Variants in ST7L observed in about 807,000 individuals in gnomAD.
ST7L encodes suppression of tumorigenicity 7 like, also known as suppressor of tumorigenicity 7 protein-like.
In ST7L, 57 loss-of-function variants were observed where a neutral mutation model predicts 72.5. The ratio of observed to expected loss-of-function variants is 0.79; its 90% CI spans 0.64 to 0.98. The LOEUF (loss-of-function observed/expected upper bound fraction) is 0.98, where lower values mean the gene tolerates loss of function less well. ST7L is among the 50% of genes least tolerant of loss of function. The pLI is 0.00. For missense variants in ST7L, 576 were observed against 672.2 expected, an observed-to-expected ratio of 0.86 and a Z score of 1.58; for synonymous variants, 221 against 240.9, an observed-to-expected ratio of 0.92 and a Z score of 0.77.
intron 11 of ST7L, among the ~76,000 whole-genome samples, chr1:112,562,862 A>G (rs1660403402): frequency 6.6e-6 from 1 of 152,178 alleles, no homozygotes; most frequent in African/African-American, 2.4e-5. Flanking sequence ...TGGCAGAAAG[A>G]TGAGTGAGGA....
chr1:112,579,914 TC>T (rs563265362), intron 9 of ST7L, among the ~76,000 whole-genome samples: 147 of 152,336 alleles, frequency 9.6e-4, no homozygotes, highest in African/African-American at 3.2e-3. Flanking sequence ...CTAAGCTTGC[TC>T]ATCATAAGTA....
intron 14 of ST7L, chr1:112,540,011 T>C: frequency 2.0e-6 from 2 of 985,424 alleles, no homozygotes; most frequent in Non-Finnish European, 2.4e-6. Flanking sequence ...TATGTAATTA[T>C]TCATTCTCAG....
intron 2 of ST7L, among the ~76,000 whole-genome samples, chr1:112,611,931 C>T (rs533201944): frequency 6.9e-6 from 1 of 144,030 alleles, no homozygotes; most frequent in South Asian, 2.2e-4. Flanking sequence ...GATTGCACCA[C>T]TGCCCTCCAG....
chr1:112,518,630 A>G (rs1652694964), downstream of ST7L, among the ~76,000 whole-genome samples: 1 of 152,164 alleles, frequency 6.6e-6, no homozygotes, highest in Non-Finnish European at 1.5e-5. Context: ...CCTAGAAATA[A>G]TTCCATAACA....
chr1:112,617,167 A>C (rs1349852424), intron 1 of ST7L: 1 of 213,980 alleles, frequency 4.7e-6, no homozygotes, highest in African/African-American at 2.3e-5. Flanking sequence ...GCAAGTCTGT[A>C]AGAATAAAAA....
intron 11 of ST7L, chr1:112,571,219 ACTC>A (rs1372560262): frequency 7.1e-6 from 3 of 421,570 alleles, no homozygotes; most frequent in Non-Finnish European, 1.4e-5. Flanking sequence ...GTTTCATAAC[ACTC>A]GGCTTAAAGG....
intron 12 of ST7L, 85 bp from the exon 13 acceptor site, chr1:112,550,778 A>T: frequency 9.0e-7 from 1 of 1,108,730 alleles, no homozygotes; most frequent in Non-Finnish European, 1.3e-6. Context: ...TAGAAATTTC[A>T]CATACTATTT....
At chr1:112,520,638 T>A, downstream of ST7L, 2 of 960,146 alleles carry the variant, frequency 2.1e-6, no homozygotes, top group African/African-American at 1.6e-5. Context: ...ATGTAGAGAG[T>A]AATCCATAGG....
At chr1:112,552,646 C>T (rs373134144) in intron 12 of ST7L, among the ~76,000 whole-genome samples, 10 of 152,124 alleles carry the variant, frequency 6.6e-5, no homozygotes, top group African/African-American at 1.7e-4. Context: ...TCAGGTGATC[C>T]GCCCACCTCA....
In ST7L at chr1:112,606,818, CAG is replaced by C. The variant is rs774401932; in HGVS notation, c.451+4021_451+4022del. Among the ~76,000 whole-genome samples the C allele has an allele frequency of 1.1e-4, 17 of 152,280 alleles. No homozygotes were observed. The South Asian group carries it at 3.1e-3, about 28-fold the overall frequency. ...GTCTTCTCACTGTGTCTTTGCATGG[CAG>C]AGAGACAGCAATCCCTCTCTTCTTC... is the stretch of plus-strand genomic sequence containing the variant. On this transcript the variant is annotated intron_variant, in intron 3 of 14. Coordinates refer to ENST00000358039, the MANE Select transcript of ST7L (RefSeq NM_017744.5).
downstream of ST7L, chr1:112,523,065 CCT>C (rs922375965): frequency 5.3e-5 from 8 of 152,196 alleles, no homozygotes; most frequent in South Asian, 4.1e-4. Flanking sequence ...CTGGCCAGCC[CCT>C]GTTCTCACAA....
At chr1:112,574,437 A>G (rs1332342996) in intron 11 of ST7L, among the ~76,000 whole-genome samples, 3 of 151,858 alleles carry the variant, frequency 2.0e-5, no homozygotes, top group African/African-American at 7.3e-5. Flanking sequence ...AGGCGGGCGG[A>G]TCACAAGGTC....
In ST7L at chr1:112,525,842, G is replaced by T; in HGVS notation, c.*171C>A. On this transcript the variant is annotated 3_prime_UTR_variant, in exon 15 of 15. Transcript: ENST00000358039. The stretch of plus-strand genomic sequence containing the variant: ...TTGTCCTTTTTGACAGCTTCCAAGG[G>T]GGGTTTGCCTAGGAATAACAATATT... The T allele has an allele frequency of 1.2e-6, 1 of 804,610 alleles. No homozygotes were observed. Among genetic ancestry groups the T allele is most frequent in the Non-Finnish European group, 1.8e-6 (1 of 550,634 alleles). The allele number at this position is 804,610 out of a possible 1,614,324, so 49.8% of individuals were successfully genotyped here. A position where few individuals can be genotyped will look rare whatever the true frequency, so the allele number is the denominator to read the frequency against.
intron 10 of ST7L, among the ~76,000 whole-genome samples, chr1:112,578,121 GTCCTA>G (rs1482770096): frequency 6.6e-6 from 1 of 152,138 alleles, no homozygotes; most frequent in Admixed American, 6.5e-5. Flanking sequence ...CTTGCCTACA[GTCCTA>G]TAGCTAAAAT....
intron 14 of ST7L, among the ~76,000 whole-genome samples, chr1:112,533,859 T>C (rs1654774154): frequency 6.6e-6 from 1 of 152,010 alleles, no homozygotes; most frequent in Non-Finnish European, 1.5e-5. Context: ...TTATGAGCTC[T>C]TACTACTATA....
At chr1:112,570,784 T>A in intron 11 of ST7L, 1 of 456,284 alleles carries the variant, frequency 2.2e-6, no homozygotes, top group Non-Finnish European at 4.4e-6. Context: ...AGTCACAAAT[T>A]CCAGAGCTCT....
At chr1:112,571,322 T>C (rs1349367921) in intron 11 of ST7L, 3 of 456,454 alleles carry the variant, frequency 6.6e-6, no homozygotes, top group Non-Finnish European at 1.3e-5. Context: ...CTTTGATATT[T>C]AGTTGAGGGG....
intron 6 of ST7L, among the ~76,000 whole-genome samples, chr1:112,586,978 C>G (rs141893164): frequency 1.9e-4 from 29 of 152,326 alleles, no homozygotes; most frequent in African/African-American, 6.5e-4. Flanking sequence ...ATTTCTGCCT[C>G]TTGACAATGT....
At chr1:112,554,910 T>C (rs1658835032) in intron 12 of ST7L, among the ~76,000 whole-genome samples, 1 of 152,182 alleles carries the variant, frequency 6.6e-6, no homozygotes, top group Admixed American at 6.5e-5. Flanking sequence ...ATTCCACTTA[T>C]ATGAGGTACC....
Sources: gnomAD v4.1 joint callset for allele counts (sites outside exome capture counted in the v4.1 genomes callset) on GRCh38, gnomAD v4.1.1 for gene constraint, MANE v1.5 for transcripts, NCBI Gene and HGNC (gene_info 2026-07-23, HGNC 2026-07-21) for gene names.